Variants in ABCA7 observed in about 807,000 individuals in gnomAD.
ABCA7 encodes the protein phospholipid-transporting ATPase ABCA7.
Under a neutral mutation model 227.6 loss-of-function variants are expected in ABCA7, and 261 were observed. The observed-to-expected ratio is 1.15, with a 90% confidence interval of 1.04 to 1.27. The LOEUF (loss-of-function observed/expected upper bound fraction) is 1.27. Among genes scored for constraint, ABCA7 ranks in the 50% most tolerant of loss-of-function variants. The pLI is 0.00. For synonymous variants in ABCA7, 1,488 were observed against 1,279.7 expected, an observed-to-expected ratio of 1.16 and a Z score of -3.47; for missense variants, 3,331 against 2,924.5, an observed-to-expected ratio of 1.14 and a Z score of -3.21.
intron 7 of ABCA7, 86 bp from the exon 8 acceptor site, chr19:1,042,955 A>T (rs959404944): frequency 6.6e-7 from 1 of 1,516,134 alleles, no homozygotes; most frequent in African/African-American, 1.4e-5. Context: ...AGCGAGAGGG[A>T]GAGGCTGCCC....
intron 34 of ABCA7, 68 bp from the exon 35 acceptor site, chr19:1,057,246 G>C: frequency 6.3e-7 from 1 of 1,588,548 alleles, no homozygotes; most frequent in Non-Finnish European, 8.6e-7. Context: ...GTCAGGGTGG[G>C]AACAGGGCTG....
chr19:1,048,378 C>A (rs1453759864), intron 16 of ABCA7, among the ~76,000 whole-genome samples: 3 of 150,094 alleles, frequency 2.0e-5, no homozygotes, highest in African/African-American at 7.4e-5. Flanking sequence ...GTGCCTGTTT[C>A]CTAGCTACTT....
chr19:1,042,270 A>G (rs1464326478), intron 5 of ABCA7, 45 bp from the exon 6 acceptor site: 1 of 1,580,150 alleles, frequency 6.3e-7, no homozygotes, highest in East Asian at 2.3e-5. Flanking sequence ...GGTGCCTCAG[A>G]CCAACGTCCC....
Position 1,054,356 on chromosome 19 carries a change from C to A in ABCA7, c.3726+15C>A. On this transcript the variant is annotated intron_variant, in intron 27 of 46. Transcript: ENST00000263094. This position sits in a 1 kb window ranked among gnomAD's most constrained non-coding sequence, Gnocchi z 4.8. ...TGTTCGCCCAGGTGAGGAGGGCTAG[C>A]ACCAGGGAGTCGCATGGGAGTCCCT... 6.3e-7 allele frequency: 1 copy of A among 1,583,204 alleles called. No individual in the cohort carries two copies. The highest frequency in any genetic ancestry group is 8.5e-7 in the Non-Finnish European group (1 of 1,169,692).
chr19:1,065,571 A>C lies in ABCA7; in HGVS notation c.*146A>C, dbSNP rs2042991104. ...GGCTGGAGAGAAGCCGTGGTGGTGAAACCGTGTGCATGTGTGTCCTTGAGC... is the reference window on the plus strand; with the variant it reads ...GGCTGGAGAGAAGCCGTGGTGGTGACACCGTGTGCATGTGTGTCCTTGAGC... On this transcript the variant is annotated 3_prime_UTR_variant, in exon 47 of 47. Coordinates refer to ENST00000263094, the MANE Select transcript of ABCA7 (RefSeq NM_019112.4). The C allele has an allele frequency of 1.0e-6, 1 of 953,074 alleles. No individual in the cohort carries two copies. Among genetic ancestry groups the C allele is most frequent in the South Asian group, 1.7e-5 (1 of 59,856 alleles). The allele number at this position is 953,074 out of a possible 1,614,324, so 59.0% of individuals were successfully genotyped here. A position where few individuals can be genotyped will look rare whatever the true frequency, so the allele number is the denominator to read the frequency against.
chr19:1,047,539 C>T lies in ABCA7; in HGVS notation c.2154C>T (p.Asn718=), dbSNP rs200776440. 8 of 1,598,954 alleles carry T rather than the reference C, an allele frequency of 5.0e-6. No individual in the cohort carries two copies. Among genetic ancestry groups the T allele is most frequent in the East Asian group, 4.5e-5 (2 of 44,694 alleles). The change falls in exon 16 of 47, where the codon AAC becomes AAT. Residue 718 remains asparagine, a synonymous_variant. Transcript: ENST00000263094. ...EEQGEGAQWH[N]VGTRPTADVF... ...AGGGCGAGGGCGCGCAGTGGCACAA[C>T]GTGGGCACCCGGCCTACGGCAGACG...
At chr19:1,051,898 C>CGCG in intron 21 of ABCA7, 44 bp from the exon 22 acceptor site, 2 of 1,595,104 alleles carry the variant, frequency 1.3e-6, no homozygotes, top group Non-Finnish European at 1.7e-6. Flanking sequence ...CGGGCAAAGA[C>CGCG]GCGGCGGCCT....
chr19:1,056,949 C>G lies in ABCA7; in HGVS notation c.4629C>G (p.Val1543=), dbSNP rs753220341. The G allele has an allele frequency of 6.2e-7, 1 of 1,614,120 alleles. No individual in the cohort carries two copies. Among genetic ancestry groups the G allele is most frequent in the Non-Finnish European group, 8.5e-7 (1 of 1,180,016 alleles). ...SVDVLVSICV[V]FAMSFVPASF... Reference sequence around the variant, plus strand: ...ACGTCCTCGTCTCCATCTGTGTGGTCTTTGCCATGTCCTTTGTCCCGGCCA... The same window carrying G: ...ACGTCCTCGTCTCCATCTGTGTGGTGTTTGCCATGTCCTTTGTCCCGGCCA... The change falls in exon 34 of 47, where the codon GTC becomes GTG. Residue 1543 remains valine, a synonymous_variant. Transcript: ENST00000263094. The surrounding 1 kb of genome is among the most constrained non-coding windows in gnomAD (Gnocchi z 4.3).
chr19:1,041,862 G>T lies in ABCA7; in HGVS notation c.192G>T (p.Ala64=). The T allele has an allele frequency of 6.3e-7, 1 of 1,599,400 alleles. No homozygotes were observed. Residue 64 remains alanine, a synonymous_variant, in exon 4 of 47, where the codon GCG becomes GCT. Transcript: ENST00000263094. ...TCCCAAACAAGCCACTGCCATCGGC[G>T]GGCACCGTGCCCTGGCTCCAGGGTC... The part of the protein sequence containing the change: ...CHFPNKPLPS[A]GTVPWLQGLI...
At chr19:1,044,282 C>G (rs112630303) in intron 10 of ABCA7, among the ~76,000 whole-genome samples, 114 of 127,468 alleles carry the variant, frequency 8.9e-4, no homozygotes, top group African/African-American at 3.1e-3. Flanking sequence ...GAGTCTCACT[C>G]TGTTGCCCAG....
rs566014616 is a variant in ABCA7, at chr19:1,041,776, G to A, written c.161-55G>A. 7.8e-5 allele frequency: 125 copies of A among 1,596,088 alleles called. No homozygotes were observed. In the South Asian group the frequency reaches 7.9e-4, roughly 10 times the overall value. ...TGCAAGCGGTGCCGGGCGACCCGAT[G>A]GGGGTGGAGTCAGGCAGAGTCCACA... is the stretch of plus-strand genomic sequence containing the variant. On this transcript the variant is annotated intron_variant, in intron 3 of 46. Coordinates refer to ENST00000263094, the MANE Select transcript of ABCA7 (RefSeq NM_019112.4).
At chr19:1,046,477 T>G in intron 13 of ABCA7, 71 bp downstream of exon 13, 1 of 1,502,940 alleles carries the variant, frequency 6.7e-7, no homozygotes, top group Non-Finnish European at 8.8e-7. Context: ...GGGCCCAGGC[T>G]CTGTTGGGAA....
Position 1,042,174 on chromosome 19 carries a change from C to G in ABCA7, c.413C>G (p.Thr138Arg), listed in dbSNP as rs1044020461. 1 of 1,600,558 alleles carries G rather than the reference C, an allele frequency of 6.2e-7. No homozygotes were observed. The highest frequency in any genetic ancestry group is 8.5e-7 in the Non-Finnish European group (1 of 1,179,120). Reference protein sequence around the residue: ...LIATLRAARSTAQPQPTKQSP... With the variant: ...LIATLRAARSRAQPQPTKQSP... ...GCCACGCTGAGGGCTGCACGCAGCA[C>G]GGGTGAGGAGGCCGGGGGGCCTCTG... Residue 138 changes from threonine to arginine, a missense_variant and splice_region_variant, in exon 5 of 47, where the codon ACG (threonine) becomes AGG (arginine). Coordinates refer to ENST00000263094, the MANE Select transcript of ABCA7 (RefSeq NM_019112.4).
At chr19:1,047,128 G>A (rs1190865217) in intron 14 of ABCA7, 29 bp from the exon 15 acceptor site, 2 of 1,580,870 alleles carry the variant, frequency 1.3e-6, no homozygotes, top group East Asian at 2.4e-5. Flanking sequence ...TCCAGGAGCT[G>A]CACCCTAAGC....
rs778682379 is a variant in ABCA7, at chr19:1,051,505, G to T, written c.2881G>T (p.Val961Phe). The T allele has an allele frequency of 3.7e-6, 6 of 1,612,694 alleles. No homozygotes were observed. The highest frequency in any genetic ancestry group is 1.7e-5 in the Admixed American group (1 of 60,008). The change falls in exon 21 of 47, where the codon GTT (valine) becomes TTT (phenylalanine). Residue 961 changes from valine (V) to phenylalanine (F), a missense_variant. Coordinates refer to ENST00000263094, the MANE Select transcript of ABCA7 (RefSeq NM_019112.4). ...TGCCTTTGTGGGCGGCTCCCAAGTT[G>T]TTATCCTGGACGAGCCTACGGCTGG... ...AIAFVGGSQV[V>F]ILDEPTAGVD...
chr19:1,054,899 G>A lies in ABCA7; in HGVS notation c.3950+21G>A, dbSNP rs2042110512. ...CACAGGTGAGGCGTCTTGTTGGCCT[G>A]GACCTTTCCCCTCTCTGGCCTCAGT... On this transcript the variant is annotated intron_variant, in intron 29 of 46. Coordinates refer to ENST00000263094, the MANE Select transcript of ABCA7 (RefSeq NM_019112.4). The surrounding 1 kb of genome is among the most constrained non-coding windows in gnomAD (Gnocchi z 4.8). 6.4e-7 allele frequency: 1 copy of A among 1,550,572 alleles called. No individual in the cohort carries two copies. The highest frequency in any genetic ancestry group is 8.7e-7 in the Non-Finnish European group (1 of 1,144,930).
At chr19:1,064,276 C>G in intron 45 of ABCA7, 23 bp downstream of exon 45, 2 of 1,542,286 alleles carry the variant, frequency 1.3e-6, no homozygotes, top group Non-Finnish European at 1.7e-6. Context: ...GGCCTCCAGG[C>G]AGGTGTGGGG....
chr19:1,049,020 G>A lies in ABCA7; in HGVS notation c.2380+15G>A, dbSNP rs1333801408. On this transcript the variant is annotated intron_variant, in intron 17 of 46. Transcript: ENST00000263094. ...GGACCCAAAGGGTGAGGCACTACGA[G>A]GCTTAATAGCTGGTTGTCCACATAT... The A allele has an allele frequency of 3.4e-6, 5 of 1,483,504 alleles. No homozygotes were observed. Among genetic ancestry groups the A allele is most frequent in the Admixed American group, 2.1e-5 (1 of 47,750 alleles). The allele number at this position is 1,483,504 out of a possible 1,614,324, so 91.9% of individuals were successfully genotyped here.
intron 16 of ABCA7, 113 bp downstream of exon 16, chr19:1,047,767 A>G: frequency 5.8e-6 from 7 of 1,215,968 alleles, no homozygotes; most frequent in East Asian, 2.8e-5. Context: ...ATTCCCTTGG[A>G]GAGAAGGCGG....
Sources: allele counts gnomAD v4.1 joint callset (sites outside exome capture counted in the v4.1 genomes callset), GRCh38; gene constraint gnomAD v4.1.1; non-coding constraint Gnocchi (gnomAD v3.1); transcripts MANE v1.5; gene names NCBI Gene and HGNC (gene_info 2026-07-23, HGNC 2026-07-21).